Variants in ZBTB20 observed in about 807,000 individuals in gnomAD.
ZBTB20 encodes the protein zinc finger and BTB domain-containing protein 20.
ZBTB20 carries 9 observed loss-of-function variants against 56.9 expected under a neutral mutation model. That is an observed-to-expected ratio of 0.16 (90% CI 0.10 to 0.28). ZBTB20 has a LOEUF of 0.28. Ranked by LOEUF, ZBTB20 falls within the 10% of genes least tolerant of loss-of-function variation. ZBTB20 has a pLI of 1.00. For missense variants in ZBTB20, 655 were observed against 1,003.0 expected (o/e 0.65, Z 4.69); for synonymous variants, 417 against 420.7 (o/e 0.99, Z 0.11).
chr3:114,571,151 GA>G lies in ZBTB20; in HGVS notation c.-294-70761del, dbSNP rs549568158. Among the ~76,000 whole-genome samples the G allele has an allele frequency of 1.3e-3, 193 of 152,236 alleles. 1 individual carries two copies. The highest frequency in any genetic ancestry group is 4.5e-3 in the African/African-American group (185 of 41,562). The stretch of plus-strand genomic sequence containing the variant: ...TACCCCTCACTAATTTGATTTGTAG[GA>G]AATGGAGAACAAAGTATTAGAAGCA... On this transcript the variant is annotated intron_variant, in intron 6 of 11. Coordinates refer to ENST00000675478, the MANE Select transcript of ZBTB20 (RefSeq NM_001348800.3).
intron 3 of ZBTB20, among the ~76,000 whole-genome samples, chr3:114,923,258 G>C (rs1467997329): frequency 6.6e-6 from 1 of 152,110 alleles, no homozygotes; most frequent in Non-Finnish European, 1.5e-5. Flanking sequence ...AAAGATCACA[G>C]ATAGCCATAG....
In ZBTB20 at chr3:114,900,358, AAT is replaced by A. The variant is rs1423078649; in HGVS notation, c.-455-18_-455-17del. 4.0e-5 allele frequency: 1 copy of A among 25,254 alleles called. No individual in the cohort carries two copies. Among genetic ancestry groups the A allele is most frequent in the Non-Finnish European group, 1.1e-4 (1 of 9,242 alleles). 1.6% of individuals were successfully genotyped at this position (25,254 alleles called of 1,614,324 possible). A position where few individuals can be genotyped will look rare whatever the true frequency, so the allele number is the denominator to read the frequency against. ...TTCATCAATTCTGAAATGTAAAAGAAATATATAAGTAAAAATTAATTTACTAA... is the reference window on the plus strand; with the variant it reads ...TTCATCAATTCTGAAATGTAAAAGAAATATAAGTAAAAATTAATTTACTAA... On this transcript the variant is annotated splice_polypyrimidine_tract_variant and intron_variant, in intron 3 of 11. Transcript: ENST00000675478.
intron 5 of ZBTB20, among the ~76,000 whole-genome samples, chr3:114,787,869 T>C (rs1323863100): frequency 6.6e-6 from 1 of 152,166 alleles, no homozygotes; most frequent in East Asian, 1.9e-4. Context: ...CCTGCAGTTC[T>C]ACCTCCCTGC....
chr3:114,641,767 C>T (rs896011866), intron 6 of ZBTB20, among the ~76,000 whole-genome samples: 7 of 151,738 alleles, frequency 4.6e-5, no homozygotes, highest in African/African-American at 1.7e-4. Flanking sequence ...ATTTAATTCT[C>T]TTAGTCTACC....
intron 1 of ZBTB20, among the ~76,000 whole-genome samples, chr3:115,091,357 C>T (rs1388737487): frequency 6.6e-6 from 1 of 151,880 alleles, no homozygotes; most frequent in Non-Finnish European, 1.5e-5. Flanking sequence ...CTACAAAAAT[C>T]CTGTCAAATC....
At chr3:114,723,445 T>C (rs2065054108) in intron 5 of ZBTB20, among the ~76,000 whole-genome samples, 2 of 152,210 alleles carry the variant, frequency 1.3e-5, no homozygotes, top group Non-Finnish European at 2.9e-5. Flanking sequence ...CTGGGACTTA[T>C]ATAGAGATTT....
intron 2 of ZBTB20, among the ~76,000 whole-genome samples, chr3:115,015,093 C>G (rs969035365): frequency 2.0e-5 from 3 of 151,810 alleles, no homozygotes; most frequent in African/African-American, 7.2e-5. Flanking sequence ...TGGTGGGTCT[C>G]AGATGCCCTA....
chr3:115,106,296 C>T (rs1240669331), intron 1 of ZBTB20, among the ~76,000 whole-genome samples: 4 of 149,830 alleles, frequency 2.7e-5, no homozygotes, highest in African/African-American at 7.4e-5. Flanking sequence ...TGCAGTGGCC[C>T]GATCTTAGCT....
intron 1 of ZBTB20, among the ~76,000 whole-genome samples, chr3:115,102,288 T>C (rs1412517938): frequency 1.3e-5 from 2 of 152,180 alleles, no homozygotes; most frequent in African/African-American, 2.4e-5. Context: ...CACTTGTCTG[T>C]AGAGAAACTT....
Position 114,696,922 on chromosome 3 carries a change from A to G in ZBTB20, c.-342-3347T>C, listed in dbSNP as rs547594588. Among the ~76,000 whole-genome samples, 118 of 152,130 alleles carry G rather than the reference A, an allele frequency of 7.8e-4. 3 individuals are homozygous for G. The highest frequency in any genetic ancestry group is 6.3e-3 in the Admixed American group (96 of 15,228). ...AATGTGACAGAAAGCTCTAAATGAG[A>G]ATTACAGAAACTATTCCTTCTTAAA... On this transcript the variant is annotated intron_variant, in intron 5 of 11. Coordinates refer to ENST00000675478, the MANE Select transcript of ZBTB20 (RefSeq NM_001348800.3).
chr3:114,820,725 T>G (rs2073192031), intron 4 of ZBTB20, among the ~76,000 whole-genome samples: 1 of 152,076 alleles, frequency 6.6e-6, no homozygotes, highest in African/African-American at 2.4e-5. Flanking sequence ...ATAAAGAACA[T>G]CTATTGAGAT....
intron 2 of ZBTB20, among the ~76,000 whole-genome samples, chr3:115,008,241 C>T (rs1479254081): frequency 6.6e-6 from 1 of 151,852 alleles, no homozygotes; most frequent in Non-Finnish European, 1.5e-5. Flanking sequence ...TAAATCTTCA[C>T]TCCAAAATGA....
intron 2 of ZBTB20, among the ~76,000 whole-genome samples, chr3:115,047,724 T>G (rs1366701659): frequency 6.6e-6 from 1 of 152,176 alleles, no homozygotes; most frequent in Non-Finnish European, 1.5e-5. Flanking sequence ...GCCTGTTGGT[T>G]GAGATAAACA....
At chr3:114,733,468 C>T (rs897418040) in intron 5 of ZBTB20, among the ~76,000 whole-genome samples, 3 of 152,180 alleles carry the variant, frequency 2.0e-5, no homozygotes, top group Non-Finnish European at 4.4e-5. Context: ...GTGGCCCAGA[C>T]AGTTGATTCT....
At chr3:114,872,196 T>C (rs2076038450) in intron 4 of ZBTB20, among the ~76,000 whole-genome samples, 1 of 152,140 alleles carries the variant, frequency 6.6e-6, no homozygotes. Context: ...TCTTTCTTCT[T>C]GCTAGATTGT....
At chr3:114,759,819 G>A (rs906467919) in intron 5 of ZBTB20, among the ~76,000 whole-genome samples, 1 of 152,136 alleles carries the variant, frequency 6.6e-6, no homozygotes, top group African/African-American at 2.4e-5. Context: ...TGAGAATTTT[G>A]CTTGAAAGTA....
At chr3:114,551,184 T>C (rs945486620) in intron 6 of ZBTB20, among the ~76,000 whole-genome samples, 11 of 152,374 alleles carry the variant, frequency 7.2e-5, no homozygotes, top group Middle Eastern at 3.4e-3. Context: ...TTCGATTGAA[T>C]ATAGTGATGC....
In ZBTB20 at chr3:114,351,210, G is replaced by C; in HGVS notation, c.868C>G (p.Arg290Gly). Reference sequence around the variant, plus strand: ...ATCTGCTGCGAGCGCTCATGGATGCGTGTGATCCAGCTGGGGTCTTCCATG... The same window carrying C: ...ATCTGCTGCGAGCGCTCATGGATGCCTGTGATCCAGCTGGGGTCTTCCATG... ...HHMEDPSWIT[R>G]IHERSQQMER... The change falls in exon 11 of 12, where the codon CGC becomes GGC. Residue 290 changes from arginine to glycine, a missense_variant. Physicochemically the swap from Arg to Gly is moderately radical, Grantham distance 125. Around this residue, in one of 10 missense-constraint regions of ZBTB20, gnomAD observed 167 missense variants for 281.9 expected, o/e 0.59. Coordinates refer to ENST00000675478, the MANE Select transcript of ZBTB20 (RefSeq NM_001348800.3). The C allele has an allele frequency of 6.2e-7, 1 of 1,602,156 alleles. No homozygotes were observed. Among genetic ancestry groups the C allele is most frequent in the Non-Finnish European group, 8.5e-7 (1 of 1,179,592 alleles).
intron 6 of ZBTB20, among the ~76,000 whole-genome samples, chr3:114,613,362 G>C (rs761390230): frequency 4.6e-5 from 7 of 152,220 alleles, no homozygotes; most frequent in Non-Finnish European, 8.8e-5. Context: ...GCTGGAAATA[G>C]AAGGAAACTC....
Sources: allele counts gnomAD v4.1 joint callset (sites outside exome capture counted in the v4.1 genomes callset), GRCh38; gene constraint gnomAD v4.1.1; regional missense constraint gnomAD v4.1.1; transcripts MANE v1.5; gene names NCBI Gene and HGNC (gene_info 2026-07-23, HGNC 2026-07-21).